RASGRF2: variants seen among roughly 807,000 people sequenced by gnomAD.
The protein encoded by RASGRF2 is Ras protein specific guanine nucleotide releasing factor 2.
Under a neutral mutation model 151.0 loss-of-function variants are expected in RASGRF2, and 76 were observed. The observed-to-expected ratio is 0.50, with a 90% CI of 0.42 to 0.61. The LOEUF is 0.61. RASGRF2 is among the 20% of genes least tolerant of loss of function. The pLI, the probability that RASGRF2 is intolerant of heterozygous loss-of-function variation, is 0.00. For synonymous variants in RASGRF2, 504 were observed against 566.5 expected, an observed-to-expected ratio of 0.89 and a Z score of 1.57; for missense variants, 1,148 against 1,564.6, an observed-to-expected ratio of 0.73 and a Z score of 4.49.
intron 11 of RASGRF2, 100 bp from the exon 12 acceptor site, chr5:81,094,756 T>A: frequency 7.6e-7 from 1 of 1,308,328 alleles, no homozygotes; most frequent in Non-Finnish European, 1.1e-6. Context: ...AGTCCCGATT[T>A]GAGTGCAAAT....
chr5:81,089,113 A>G (rs2112493919), intron 9 of RASGRF2, among the ~76,000 whole-genome samples: 1 of 152,348 alleles, frequency 6.6e-6, no homozygotes, highest in South Asian at 2.1e-4. Context: ...ATCACAGACA[A>G]TTTGGAAAGT....
chr5:81,039,445 A>G (rs1750612103), intron 1 of RASGRF2, among the ~76,000 whole-genome samples: 1 of 152,164 alleles, frequency 6.6e-6, no homozygotes, highest in African/African-American at 2.4e-5. Context: ...ATTCATTAGA[A>G]AGTGTAGCAG....
intron 1 of RASGRF2, among the ~76,000 whole-genome samples, chr5:81,016,665 A>G (rs1387637741): frequency 6.6e-6 from 1 of 152,226 alleles, no homozygotes; most frequent in Non-Finnish European, 1.5e-5. Context: ...TATATTCATT[A>G]CTTCTTTGAG....
chr5:81,171,638 A>G (rs1379087602), intron 17 of RASGRF2, among the ~76,000 whole-genome samples: 1 of 152,128 alleles, frequency 6.6e-6, no homozygotes, highest in Non-Finnish European at 1.5e-5. Flanking sequence ...TCTGAGTAAT[A>G]TGGATTTTGC....
intron 17 of RASGRF2, among the ~76,000 whole-genome samples, chr5:81,149,195 C>A (rs192226277): frequency 9.2e-5 from 14 of 152,296 alleles, no homozygotes; most frequent in Admixed American, 3.3e-4. Flanking sequence ...TATAGCAGCA[C>A]AACTCACAAT....
chr5:81,120,828 G>A (rs1177299531), intron 15 of RASGRF2, among the ~76,000 whole-genome samples: 1 of 152,138 alleles, frequency 6.6e-6, no homozygotes, highest in South Asian at 2.1e-4. Context: ...GGTTGTGCGG[G>A]CACATGCTTG....
chr5:81,070,662 C>T (rs913922539), intron 4 of RASGRF2, 81 bp downstream of exon 4: 38 of 1,248,682 alleles, frequency 3.0e-5, no homozygotes, highest in African/African-American at 1.2e-4. Context: ...CCACCCTGTG[C>T]GTGAGCCGGG....
chr5:80,971,725 C>T (rs1747940361), intron 1 of RASGRF2, among the ~76,000 whole-genome samples: 1 of 151,876 alleles, frequency 6.6e-6, no homozygotes, highest in African/African-American at 2.4e-5. Flanking sequence ...ACCACCATGC[C>T]TGGCTAATTT....
rs762612780 is a variant in RASGRF2, at chr5:81,080,612, T to C, written c.984T>C (p.Ile328=). Residue 328 remains isoleucine, a synonymous_variant, in exon 7 of 27, where the codon ATT becomes ATC. Coordinates refer to ENST00000265080, the MANE Select transcript of RASGRF2 (RefSeq NM_006909.3). ...PTLILADLFD[I]LLPMLNIYQE... ...TCTTTGCAGCTGATCTGTTTGATAT[T>C]TTGCTCCCCATGCTGAACATTTATC... 2 of 1,613,704 alleles carry C rather than the reference T, an allele frequency of 1.2e-6. No individual in the cohort carries two copies. Among genetic ancestry groups the C allele is most frequent in the African/African-American group, 2.7e-5 (2 of 74,918 alleles).
At chr5:81,114,423 T>C (rs1267553900) in intron 15 of RASGRF2, among the ~76,000 whole-genome samples, 1 of 152,244 alleles carries the variant, frequency 6.6e-6, no homozygotes, top group Non-Finnish European at 1.5e-5. Flanking sequence ...ATGAGGACAG[T>C]GCTCCATGTT....
rs5869072 is a variant in RASGRF2, at chr5:81,143,889, G to GA, written c.2686+16741dup. Among the ~76,000 whole-genome samples the GA allele has an allele frequency of 4.5e-3, 568 of 126,746 alleles. 4 individuals carry two copies. The highest frequency in any genetic ancestry group is 0.024 in the Middle Eastern group (5 of 208). 83.2% of individuals were successfully genotyped at this position (126,746 alleles called of 152,430 possible). The stretch of plus-strand genomic sequence containing the variant: ...TGGGCGACAGAGTGAAAATGTCTCA[G>GA]AAAAAAAAAAAAAAAGACTAAAAAA... On this transcript the variant is annotated intron_variant, in intron 17 of 26. Transcript: ENST00000265080.
rs142135523 is a variant in RASGRF2, at chr5:81,192,382, T to G, written c.2794-8948T>G. Among the ~76,000 whole-genome samples, 79 of 152,390 alleles carry G rather than the reference T, an allele frequency of 5.2e-4. No individual in the cohort carries two copies. In the East Asian group the frequency reaches 0.015, roughly 28 times the overall value. ...TTAATTCCAAACTTATTGCCCTTCC[T>G]TATGTTTTTCTATTAGAATGTTCTT... On this transcript the variant is annotated intron_variant, in intron 18 of 26. Coordinates refer to ENST00000265080, the MANE Select transcript of RASGRF2 (RefSeq NM_006909.3).
chr5:81,176,446 C>G (rs1033489928), intron 17 of RASGRF2, among the ~76,000 whole-genome samples: 1 of 152,126 alleles, frequency 6.6e-6, no homozygotes, highest in East Asian at 1.9e-4. Context: ...GTATTAATAT[C>G]TCACATGTGG....
intron 12 of RASGRF2, among the ~76,000 whole-genome samples, chr5:81,101,887 T>C (rs1752707901): frequency 6.6e-6 from 1 of 152,216 alleles, no homozygotes; most frequent in African/African-American, 2.4e-5. Context: ...TGAATGAGAC[T>C]TGACACTGGA....
rs533329233 is a variant in RASGRF2, at chr5:81,047,273, A to G, written c.395+4290A>G. Among the ~76,000 whole-genome samples the G allele has an allele frequency of 1.6e-4, 25 of 152,318 alleles. No homozygotes were observed. In the South Asian group the frequency reaches 5.0e-3, roughly 30 times the overall value. ...CCCTTGGCGTGTGGGGTATGAGAGA[A>G]TGAGTATCCAGGGGGCTGATAGAGA... On this transcript the variant is annotated intron_variant, in intron 2 of 26. Coordinates refer to ENST00000265080, the MANE Select transcript of RASGRF2 (RefSeq NM_006909.3).
intron 17 of RASGRF2, among the ~76,000 whole-genome samples, chr5:81,137,745 A>C (rs539581481): frequency 6.6e-6 from 1 of 152,374 alleles, no homozygotes; most frequent in East Asian, 1.9e-4. Flanking sequence ...GCTGACTCTG[A>C]GATCTGGACT....
At chr5:81,105,791 C>A (rs1752829741) in intron 12 of RASGRF2, among the ~76,000 whole-genome samples, 2 of 152,122 alleles carry the variant, frequency 1.3e-5, no homozygotes, top group Admixed American at 1.3e-4. Context: ...CAATCCTTTT[C>A]CTCATTACCC....
rs150019983 is a variant in RASGRF2 at position 81,085,825 on chromosome 5, C to G, written c.1185C>G (p.Leu395=). 129 of 1,613,972 alleles carry G rather than the reference C, an allele frequency of 8.0e-5. No individual in the cohort carries two copies. The highest frequency in any genetic ancestry group is 1.1e-4 in the Non-Finnish European group (124 of 1,180,016). The part of the protein sequence containing the change: ...MFQIPRYIIT[L]HELLAHTPHE... ...AGATCCCCAGATATATCATCACACTCCATGAGCTCCTTGCTCACACACCCC... is the reference window on the plus strand; with the variant it reads ...AGATCCCCAGATATATCATCACACTGCATGAGCTCCTTGCTCACACACCCC... The change falls in exon 8 of 27, where the codon CTC becomes CTG. Residue 395 remains leucine, a synonymous_variant. Transcript: ENST00000265080.
At position 80,960,568 on chromosome 5, in the gene RASGRF2, C is replaced by A; in HGVS notation, c.-171C>A. 1 of 513,810 alleles carries A rather than the reference C, an allele frequency of 1.9e-6. No individual in the cohort carries two copies. The allele number at this position is 513,810 out of a possible 1,614,324, so 31.8% of individuals were successfully genotyped here. A position where few individuals can be genotyped will look rare whatever the true frequency, so the allele number is the denominator to read the frequency against. ...CCCAGCCCGCGCCCCTGCCACCGCGCGCCGCGGCCTCCCGAAAGCGGGCGG... is the reference window on the plus strand; with the variant it reads ...CCCAGCCCGCGCCCCTGCCACCGCGAGCCGCGGCCTCCCGAAAGCGGGCGG... On this transcript the variant is annotated 5_prime_UTR_variant, in exon 1 of 27. Transcript: ENST00000265080. This position sits in a 1 kb window ranked among gnomAD's most constrained non-coding sequence, Gnocchi z 5.5.
Sources: gnomAD v4.1 joint callset for allele counts (sites outside exome capture counted in the v4.1 genomes callset) on GRCh38, gnomAD v4.1.1 for gene constraint, Gnocchi (gnomAD v3.1) non-coding constraint, MANE v1.5 for transcripts, NCBI Gene and HGNC (gene_info 2026-07-23, HGNC 2026-07-21) for gene names.